The following TSPAN5 variants were observed in gnomAD, a reference collection of about 807,000 sequenced individuals.
TSPAN5 encodes the protein tetraspanin 5, also known as tetraspanin-5.
In TSPAN5, 10 loss-of-function variants were observed where a neutral mutation model predicts 37.1. The observed-to-expected ratio is 0.27, with a 90% CI of 0.17 to 0.46. The LOEUF is 0.46. TSPAN5 is among the 20% of genes least tolerant of loss of function. TSPAN5 has a pLI of 1.00. For missense variants in TSPAN5, 195 were observed against 326.6 expected, an observed-to-expected ratio of 0.60 and a Z score of 3.11; for synonymous variants, 110 against 118.9, an observed-to-expected ratio of 0.93 and a Z score of 0.48.
At chr4:98,644,390 T>C (rs781677624) in intron 1 of TSPAN5, among the ~76,000 whole-genome samples, 85 of 152,330 alleles carry the variant, frequency 5.6e-4, no homozygotes, top group Non-Finnish European at 1.0e-3. Context: ...TCGGAGCACC[T>C]GACGAAGAGT....
intron 1 of TSPAN5, among the ~76,000 whole-genome samples, chr4:98,590,445 T>C (rs1755596940): frequency 6.6e-6 from 1 of 152,164 alleles, no homozygotes; most frequent in African/African-American, 2.4e-5. Context: ...GCGTGGTTGC[T>C]CACTCCTGTA....
rs748273165 is a variant in TSPAN5, at chr4:98,472,581, C to T, written c.748G>A (p.Gly250Arg). 1 of 1,613,422 alleles carries T rather than the reference C, an allele frequency of 6.2e-7. No individual in the cohort carries two copies. Among genetic ancestry groups the T allele is most frequent in the Non-Finnish European group, 8.5e-7 (1 of 1,179,728 alleles). The change falls in exon 8 of 8, where the codon GGG (glycine) becomes AGG (arginine). Residue 250 changes from glycine to arginine, a missense_variant. Gly to Arg is a moderately radical substitution (Grantham distance 125). Transcript: ENST00000305798. ...FIGIALLQIF[G>R]ICLAQNLVSD... is the part of the protein sequence containing the mutation. ...ACCAAATTCTGGGCCAGGCATATCC[C>T]AAATATCTGAGAAAGGAAGAAAATG... is the stretch of plus-strand genomic sequence containing the variant.
chr4:98,543,518 C>T (rs6827510), intron 1 of TSPAN5, among the ~76,000 whole-genome samples: 93,950 of 151,112 alleles, frequency 0.62, 29,615 homozygotes, highest in South Asian at 0.8. Context: ...CTGGTTGAAG[C>T]GATTCTCCTG....
chr4:98,644,358 T>C (rs768541395), intron 1 of TSPAN5, among the ~76,000 whole-genome samples: 18 of 152,192 alleles, frequency 1.2e-4, no homozygotes, highest in Non-Finnish European at 2.1e-4. Context: ...TTTTTTTCAT[T>C]TGAAGTGTTT....
rs1000892042 is a variant in TSPAN5 at position 98,580,076 on chromosome 4, A to C, written c.82-72348T>G. Among the ~76,000 whole-genome samples, 10 of 152,286 alleles carry C rather than the reference A, an allele frequency of 6.6e-5. No homozygotes were observed. In the East Asian group the frequency reaches 1.7e-3, roughly 26 times the overall value. On this transcript the variant is annotated intron_variant, in intron 1 of 7. Transcript: ENST00000305798. ...TCTCCATGTTTTCATCTAGGAGAAAACCTTCCATACTCATTAGTGGAGAGA... is the reference window on the plus strand; with the variant it reads ...TCTCCATGTTTTCATCTAGGAGAAACCCTTCCATACTCATTAGTGGAGAGA...
chr4:98,577,594 C>A lies in TSPAN5; in HGVS notation c.82-69866G>T, dbSNP rs560181931. Among the ~76,000 whole-genome samples, 9 of 152,328 alleles carry A rather than the reference C, an allele frequency of 5.9e-5. No homozygotes were observed. In the South Asian group the frequency reaches 1.9e-3, roughly 32 times the overall value. On this transcript the variant is annotated intron_variant, in intron 1 of 7. Coordinates refer to ENST00000305798, the MANE Select transcript of TSPAN5 (RefSeq NM_005723.4). ...TACTGTATCAATTTTTGCTGTTTAT[C>A]ACATTTGACAAAAGTGTCAGCAAGT...
intron 5 of TSPAN5, among the ~76,000 whole-genome samples, chr4:98,478,267 C>G (rs896731843): frequency 6.6e-6 from 1 of 152,158 alleles, no homozygotes; most frequent in Admixed American, 6.5e-5. Context: ...CTCATATGAG[C>G]CTGCCCTTCT....
At chr4:98,617,874 A>G (rs1756375841) in intron 1 of TSPAN5, among the ~76,000 whole-genome samples, 1 of 152,212 alleles carries the variant, frequency 6.6e-6, no homozygotes, top group South Asian at 2.1e-4. Flanking sequence ...TGCCAGTTCA[A>G]GGTCTGGCCC....
chr4:98,579,016 C>G (rs1755309122), intron 1 of TSPAN5, among the ~76,000 whole-genome samples: 1 of 152,110 alleles, frequency 6.6e-6, no homozygotes, highest in Non-Finnish European at 1.5e-5. Flanking sequence ...AGATAAATAT[C>G]CCCCATGTAG....
chr4:98,588,245 C>T (rs1307341249), intron 1 of TSPAN5, among the ~76,000 whole-genome samples: 1 of 152,138 alleles, frequency 6.6e-6, no homozygotes, highest in Non-Finnish European at 1.5e-5. Context: ...CAAGACATCA[C>T]TGAGAAGCCT....
chr4:98,529,909 T>C (rs1754043442), intron 1 of TSPAN5, among the ~76,000 whole-genome samples: 1 of 152,188 alleles, frequency 6.6e-6, no homozygotes, highest in Admixed American at 6.5e-5. Context: ...GAATCACCAA[T>C]TAAAAACTAA....
chr4:98,612,886 C>T (rs116232593), intron 1 of TSPAN5, among the ~76,000 whole-genome samples: 41 of 152,346 alleles, frequency 2.7e-4, no homozygotes, highest in African/African-American at 8.9e-4. Context: ...TTCCTCAGAG[C>T]GGCCTTCCCG....
chr4:98,511,838 G>A (rs1481141732), intron 1 of TSPAN5, among the ~76,000 whole-genome samples: 1 of 152,128 alleles, frequency 6.6e-6, no homozygotes, highest in Admixed American at 6.5e-5. Flanking sequence ...ATAGAATAAT[G>A]TTGGTACAAA....
intron 2 of TSPAN5, among the ~76,000 whole-genome samples, chr4:98,505,618 C>G (rs948354803): frequency 2.6e-5 from 4 of 152,212 alleles, no homozygotes; most frequent in African/African-American, 9.6e-5. Flanking sequence ...CAGAACTTAC[C>G]AGTATCTGGA....
chr4:98,510,513 G>C (rs1451310911), intron 1 of TSPAN5, among the ~76,000 whole-genome samples: 1 of 152,186 alleles, frequency 6.6e-6, no homozygotes, highest in African/African-American at 2.4e-5. Flanking sequence ...AAATTCAATG[G>C]TGGGTCCACA....
At chr4:98,519,978 C>T (rs59150136) in intron 1 of TSPAN5, among the ~76,000 whole-genome samples, 30,974 of 152,136 alleles carry the variant, frequency 0.2, 3,300 homozygotes, top group South Asian at 0.23. Flanking sequence ...GCTCAAATAA[C>T]GTGCTTAAAG....
At chr4:98,478,028 G>A (rs1752746261) in intron 5 of TSPAN5, among the ~76,000 whole-genome samples, 1 of 152,118 alleles carries the variant, frequency 6.6e-6, no homozygotes, top group South Asian at 2.1e-4. Flanking sequence ...CAAACCTGTG[G>A]CAAAAGTGAG....
chr4:98,527,543 T>G (rs1001338984), intron 1 of TSPAN5, among the ~76,000 whole-genome samples: 5 of 152,220 alleles, frequency 3.3e-5, no homozygotes, highest in Non-Finnish European at 5.9e-5. Context: ...GACTTATCAT[T>G]TGAAAAATGC....
chr4:98,474,377 A>G (rs1384893185), intron 7 of TSPAN5, among the ~76,000 whole-genome samples: 1 of 152,020 alleles, frequency 6.6e-6, no homozygotes, highest in Non-Finnish European at 1.5e-5. Context: ...TTTTTGAGAT[A>G]GGATCTTGCT....
Sources: gnomAD v4.1 joint callset for allele counts (sites outside exome capture counted in the v4.1 genomes callset) on GRCh38, gnomAD v4.1.1 for gene constraint, MANE v1.5 for transcripts, NCBI Gene and HGNC (gene_info 2026-07-23, HGNC 2026-07-21) for gene names.